HCN1: variants seen among roughly 807,000 people sequenced by gnomAD.
HCN1 encodes the protein hyperpolarization activated cyclic nucleotide gated potassium channel 1.
A neutral mutation model predicts 78.9 loss-of-function variants in HCN1; 13 were observed. That is an observed-to-expected ratio of 0.16 (90% CI 0.11 to 0.26). The LOEUF is 0.26. HCN1 is among the 10% of genes least tolerant of loss of function. The pLI, the probability that HCN1 is intolerant of heterozygous loss-of-function variation, is 1.00. For missense variants in HCN1, 810 were observed against 1,154.3 expected (o/e 0.70, Z 4.32); for synonymous variants, 552 against 455.5 (o/e 1.21, Z -2.70).
intron 3 of HCN1, among the ~76,000 whole-genome samples, chr5:45,444,477 G>A (rs1313566947): frequency 6.6e-6 from 1 of 152,078 alleles, no homozygotes; most frequent in Non-Finnish European, 1.5e-5. Context: ...AAAATGAGCA[G>A]TATTTCAATT....
chr5:45,391,511 T>C (rs949607030), intron 4 of HCN1, among the ~76,000 whole-genome samples: 10 of 152,294 alleles, frequency 6.6e-5, no homozygotes, highest in Non-Finnish European at 1.3e-4. Flanking sequence ...CTCCAAACTG[T>C]TCCTCTTTGC....
chr5:45,374,264 CAT>C (rs1311980474), intron 4 of HCN1, among the ~76,000 whole-genome samples: 117 of 96,118 alleles, frequency 1.2e-3, no homozygotes, highest in Non-Finnish European at 2.1e-3. Context: ...ATATACATAA[CAT>C]ATATATTATA....
intron 2 of HCN1, among the ~76,000 whole-genome samples, chr5:45,597,886 T>A (rs1744534182): frequency 6.6e-6 from 1 of 152,126 alleles, no homozygotes; most frequent in African/African-American, 2.4e-5. Flanking sequence ...CAAGGAGAAC[T>A]ACAAACCACT....
chr5:45,367,286 G>T (rs944649049), intron 4 of HCN1, among the ~76,000 whole-genome samples: 6 of 148,640 alleles, frequency 4.0e-5, no homozygotes, highest in Admixed American at 3.4e-4. Flanking sequence ...ATGTCATATT[G>T]TATACAAAAG....
chr5:45,447,161 C>G (rs961454195), intron 3 of HCN1, among the ~76,000 whole-genome samples: 4 of 152,134 alleles, frequency 2.6e-5, no homozygotes, highest in African/African-American at 9.7e-5. Context: ...CAGAGACACA[C>G]ATATGCTCAA....
chr5:45,316,663 A>T (rs1431694832), intron 5 of HCN1, among the ~76,000 whole-genome samples: 1 of 152,032 alleles, frequency 6.6e-6, no homozygotes, highest in Non-Finnish European at 1.5e-5. Flanking sequence ...ATTTAGAAAA[A>T]CCCATCGTCT....
intron 2 of HCN1, among the ~76,000 whole-genome samples, chr5:45,483,071 C>T (rs1041012042): frequency 3.3e-5 from 5 of 152,114 alleles, no homozygotes; most frequent in East Asian, 1.9e-4. Flanking sequence ...AATGAACATA[C>T]GAGTGCATCT....
chr5:45,326,451 A>G (rs1182178850), intron 5 of HCN1, among the ~76,000 whole-genome samples: 1 of 151,644 alleles, frequency 6.6e-6, no homozygotes, highest in Admixed American at 6.6e-5. Flanking sequence ...TAGTGGCCAC[A>G]AAATGTTTCA....
intron 7 of HCN1, among the ~76,000 whole-genome samples, 198 bp downstream of exon 7, chr5:45,266,891 T>C (rs1247036409): frequency 6.6e-6 from 1 of 152,046 alleles, no homozygotes; most frequent in Non-Finnish European, 1.5e-5. Context: ...GTATTTTTAG[T>C]AGAGACAGGG....
intron 4 of HCN1, among the ~76,000 whole-genome samples, chr5:45,382,835 A>T (rs1372637898): frequency 6.6e-6 from 1 of 152,208 alleles, no homozygotes; most frequent in African/African-American, 2.4e-5. Context: ...AATACACCCA[A>T]TTCTTCACTG....
At chr5:45,269,725 C>A (rs1480659798) in intron 6 of HCN1, among the ~76,000 whole-genome samples, 1 of 152,246 alleles carries the variant, frequency 6.6e-6, no homozygotes, top group South Asian at 2.1e-4. Context: ...TCCTCAGGTA[C>A]ATGGTTGGCT....
At chr5:45,634,104 T>G (rs1259425783) in intron 2 of HCN1, among the ~76,000 whole-genome samples, 2 of 151,984 alleles carry the variant, frequency 1.3e-5, no homozygotes, top group Non-Finnish European at 2.9e-5. Context: ...TTTTTAAAAA[T>G]TTTTATTGCT....
At chr5:45,292,737 G>A (rs1745405943) in intron 6 of HCN1, among the ~76,000 whole-genome samples, 1 of 151,834 alleles carries the variant, frequency 6.6e-6, no homozygotes, top group Admixed American at 6.6e-5. Flanking sequence ...TCTAAGTTTA[G>A]AGCTGGTGAC....
chr5:45,542,320 A>G (rs993511376), intron 2 of HCN1, among the ~76,000 whole-genome samples: 3 of 152,114 alleles, frequency 2.0e-5, no homozygotes, highest in Non-Finnish European at 4.4e-5. Context: ...CAATTTCCCA[A>G]TAAGTTGATT....
intron 4 of HCN1, among the ~76,000 whole-genome samples, chr5:45,370,309 C>T (rs1374040540): frequency 6.6e-6 from 1 of 151,794 alleles, no homozygotes; most frequent in Non-Finnish European, 1.5e-5. Flanking sequence ...AACTGAAAAA[C>T]TTGATTTATA....
intron 5 of HCN1, among the ~76,000 whole-genome samples, chr5:45,322,872 A>C (rs1483021941): frequency 6.6e-6 from 1 of 151,882 alleles, no homozygotes; most frequent in Non-Finnish European, 1.5e-5. Flanking sequence ...CACAGCATGT[A>C]GGAAGTGAAA....
At chr5:45,668,856 CGTG>C (rs1746099427) in intron 1 of HCN1, among the ~76,000 whole-genome samples, 1 of 151,848 alleles carries the variant, frequency 6.6e-6, no homozygotes, top group East Asian at 1.9e-4. Context: ...AAGCCAAAAT[CGTG>C]GTCCACTAGT....
intron 4 of HCN1, among the ~76,000 whole-genome samples, chr5:45,373,531 C>T (rs1232382691): frequency 1.4e-5 from 2 of 140,142 alleles, no homozygotes; most frequent in South Asian, 2.2e-4. Flanking sequence ...ATATTACATA[C>T]ATTATATAGG....
intron 2 of HCN1, among the ~76,000 whole-genome samples, chr5:45,514,437 G>A (rs545823962): frequency 6.6e-6 from 1 of 152,024 alleles, no homozygotes; most frequent in Non-Finnish European, 1.5e-5. Flanking sequence ...AATACTGACT[G>A]GATCATGTAA....
Sources: gnomAD v4.1 joint callset for allele counts (sites outside exome capture counted in the v4.1 genomes callset) on GRCh38, gnomAD v4.1.1 for gene constraint, MANE v1.5 for transcripts, NCBI Gene and HGNC (gene_info 2026-07-23, HGNC 2026-07-21) for gene names.